The following USP28 variants were observed in gnomAD, a reference collection of about 807,000 sequenced individuals.
The protein encoded by USP28 is ubiquitin carboxyl-terminal hydrolase 28.
In USP28, 113 loss-of-function variants were observed where a neutral mutation model predicts 145.0. The ratio of observed to expected loss-of-function variants is 0.78; its 90% CI spans 0.67 to 0.91. The LOEUF is 0.91. Among genes scored for constraint, USP28 ranks in the 40% least tolerant of loss-of-function variants. The pLI is 0.00. For missense variants in USP28, 1,201 were observed against 1,289.6 expected (o/e 0.93, Z 1.05); for synonymous variants, 447 against 450.9 (o/e 0.99, Z 0.11).
At chr11:113,810,575 T>C (rs1940812963) in intron 16 of USP28, among the ~76,000 whole-genome samples, 1 of 152,232 alleles carries the variant, frequency 6.6e-6, no homozygotes, top group Non-Finnish European at 1.5e-5. Context: ...AATATACAAT[T>C]GTGAAGATTA....
At chr11:113,839,203 G>C (rs1165062110) in intron 5 of USP28, among the ~76,000 whole-genome samples, 1 of 152,170 alleles carries the variant, frequency 6.6e-6, no homozygotes, top group Non-Finnish European at 1.5e-5. Context: ...TGTGATCAAA[G>C]GACAAAAGGG....
At chr11:113,808,572 T>C (rs1940434891) in intron 17 of USP28, 135 bp from the exon 18 acceptor site, 1 of 898,680 alleles carries the variant, frequency 1.1e-6, no homozygotes, top group Non-Finnish European at 1.6e-6. Flanking sequence ...CCTATGCAGA[T>C]TTTCCCTAGA....
intron 23 of USP28, among the ~76,000 whole-genome samples, chr11:113,802,550 C>G (rs948364756): frequency 4.6e-5 from 7 of 152,178 alleles, no homozygotes; most frequent in African/African-American, 1.4e-4. Context: ...ATCACATAAA[C>G]CCCTGGGGAG....
intron 5 of USP28, among the ~76,000 whole-genome samples, chr11:113,839,752 C>T (rs1944985886): frequency 1.3e-5 from 2 of 151,598 alleles, no homozygotes; most frequent in African/African-American, 4.8e-5. Flanking sequence ...TGGCCAGGCG[C>T]GGTGGCTCAC....
At chr11:113,873,023 G>A (rs1948987702) in intron 1 of USP28, among the ~76,000 whole-genome samples, 1 of 152,220 alleles carries the variant, frequency 6.6e-6, no homozygotes, top group African/African-American at 2.4e-5. Context: ...ACCAATAAGG[G>A]AAGGGAAGCA....
intron 3 of USP28, among the ~76,000 whole-genome samples, chr11:113,844,625 A>G (rs1471411383): frequency 1.3e-5 from 2 of 152,354 alleles, no homozygotes; most frequent in East Asian, 3.9e-4. Flanking sequence ...CAAAGAATAC[A>G]CAAGATAAAT....
At chr11:113,804,166 C>A (rs1939537442) in intron 21 of USP28, among the ~76,000 whole-genome samples, 2 of 152,170 alleles carry the variant, frequency 1.3e-5, no homozygotes, top group African/African-American at 4.8e-5. Context: ...AGATATTCAG[C>A]TCTAGCTTAA....
intron 1 of USP28, among the ~76,000 whole-genome samples, chr11:113,875,162 G>A (rs1219785745): frequency 6.6e-6 from 1 of 152,184 alleles, no homozygotes; most frequent in Non-Finnish European, 1.5e-5. Flanking sequence ...TGATCCCTGC[G>A]GCGGAGAACC....
At chr11:113,848,025 A>G (rs184976986) in intron 3 of USP28, among the ~76,000 whole-genome samples, 1 of 152,354 alleles carries the variant, frequency 6.6e-6, no homozygotes, top group African/African-American at 2.4e-5. Flanking sequence ...AAATGGTGAA[A>G]GGCAGATGGG....
At chr11:113,807,363 C>T (rs1004544095) in intron 18 of USP28, among the ~76,000 whole-genome samples, 5 of 148,530 alleles carry the variant, frequency 3.4e-5, no homozygotes, top group East Asian at 2.0e-4. Flanking sequence ...CGTAAACCTC[C>T]GTGCCCAGCC....
At chr11:113,852,972 C>T (rs1471330925) in intron 2 of USP28, among the ~76,000 whole-genome samples, 1 of 152,082 alleles carries the variant, frequency 6.6e-6, no homozygotes, top group Non-Finnish European at 1.5e-5. Flanking sequence ...TGGCAATTAA[C>T]ATAGACATTC....
intron 1 of USP28, chr11:113,859,354 T>C (rs1000350940): frequency 2.6e-5 from 4 of 152,202 alleles, no homozygotes; most frequent in African/African-American, 9.6e-5. Context: ...AAGTGCTTGC[T>C]TGAGCAGTAC....
intron 12 of USP28, among the ~76,000 whole-genome samples, chr11:113,818,398 G>A (rs147411303): frequency 6.6e-6 from 1 of 152,144 alleles, no homozygotes; most frequent in African/African-American, 2.4e-5. Flanking sequence ...TGATCCACCC[G>A]CCTTGGCCTC....
chr11:113,873,595 A>AATAT (rs1565531146), intron 1 of USP28, among the ~76,000 whole-genome samples: 1 of 152,204 alleles, frequency 6.6e-6, no homozygotes, highest in Admixed American at 6.5e-5. Context: ...GACAAATTTA[A>AATAT]ATATGACTTC....
intron 3 of USP28, 137 bp downstream of exon 3, chr11:113,852,364 T>C: frequency 1.6e-6 from 2 of 1,223,850 alleles, no homozygotes; most frequent in Non-Finnish European, 2.3e-6. Flanking sequence ...GCCTGCCACA[T>C]AGCAATAGCT....
intron 1 of USP28, among the ~76,000 whole-genome samples, chr11:113,860,374 T>C (rs1947523998): frequency 1.4e-5 from 2 of 141,486 alleles, no homozygotes; most frequent in African/African-American, 5.3e-5. Context: ...GTGTGCCTAA[T>C]AAAATTCCTT....
At chr11:113,825,266 G>A (rs982598923) in intron 11 of USP28, among the ~76,000 whole-genome samples, 2 of 152,046 alleles carry the variant, frequency 1.3e-5, no homozygotes, top group African/African-American at 4.8e-5. Flanking sequence ...ATAATTCAAT[G>A]GGGGAAAAGG....
chr11:113,849,525 A>C lies in USP28; in HGVS notation c.268+2976T>G, dbSNP rs143348713. Among the ~76,000 whole-genome samples, 260 of 152,190 alleles carry C rather than the reference A, an allele frequency of 1.7e-3. 1 individual carries two copies. The highest frequency in any genetic ancestry group is 5.8e-3 in the African/African-American group (242 of 41,534). On this transcript the variant is annotated intron_variant, in intron 3 of 24. Coordinates refer to ENST00000003302, the Ensembl canonical transcript of USP28. ...CAGTGGTCACATGATCAGGCAGGAG[A>C]GCAATGGAAACCTGGCCTATTAAAG...
At chr11:113,814,725 G>A (rs1941463359) in intron 14 of USP28, among the ~76,000 whole-genome samples, 1 of 151,970 alleles carries the variant, frequency 6.6e-6, no homozygotes, top group African/African-American at 2.4e-5. Flanking sequence ...CACTAAAAGT[G>A]CAAAAGAAGT....
Sources: allele counts gnomAD v4.1 joint callset (sites outside exome capture counted in the v4.1 genomes callset), GRCh38; gene constraint gnomAD v4.1.1; transcripts MANE v1.5; gene names NCBI Gene and HGNC (gene_info 2026-07-23, HGNC 2026-07-21).